The following ACOT11 variants were observed in gnomAD, a reference collection of about 807,000 sequenced individuals.
The protein encoded by ACOT11 is acyl-CoA thioesterase 11, also known as acyl-coenzyme A thioesterase 11.
A neutral mutation model predicts 77.5 loss-of-function variants in ACOT11; 69 were observed. The ratio of observed to expected loss-of-function variants is 0.89; its 90% CI spans 0.73 to 1.09. The LOEUF is 1.09. Ranked by LOEUF, ACOT11 falls within the 50% of genes least tolerant of loss-of-function variation. The probability of loss-of-function intolerance (pLI) is 0.00; values close to 1 mark genes in which losing one functional copy is unlikely to be tolerated. For synonymous variants in ACOT11, 279 were observed against 313.0 expected, an observed-to-expected ratio of 0.89 and a Z score of 1.15; for missense variants, 766 against 813.7, an observed-to-expected ratio of 0.94 and a Z score of 0.71.
At chr1:54,606,136 C>T (rs1337667229) in intron 13 of ACOT11, among the ~76,000 whole-genome samples, 1 of 152,180 alleles carries the variant, frequency 6.6e-6, no homozygotes, top group African/African-American at 2.4e-5. Flanking sequence ...GGCCATGTTG[C>T]CTTAAAAAGC....
At chr1:54,588,054 A>T (rs2480770) in intron 3 of ACOT11, among the ~76,000 whole-genome samples, 16,750 of 151,868 alleles carry the variant, frequency 0.11, 1,655 homozygotes, top group African/African-American at 0.25. Flanking sequence ...TCTACCAAAA[A>T]TTAGCTAGGC....
intron 1 of ACOT11, among the ~76,000 whole-genome samples, chr1:54,550,911 G>A (rs538272526): frequency 1.6e-4 from 24 of 148,786 alleles, no homozygotes; most frequent in African/African-American, 4.9e-4. Context: ...AGGCCGAGAC[G>A]GGTGGATCAC....
At chr1:54,608,936 G>A (rs1269886517) in intron 15 of ACOT11, 21 bp from the exon 16 acceptor site, 1 of 1,612,866 alleles carries the variant, frequency 6.2e-7, no homozygotes, top group South Asian at 1.1e-5. Flanking sequence ...GTCCCCCTGA[G>A]CTTGGCTTCC....
At chr1:54,599,592 C>A in intron 8 of ACOT11, 177 bp downstream of exon 8, 2 of 718,690 alleles carry the variant, frequency 2.8e-6, no homozygotes, top group Non-Finnish European at 1.9e-6. Flanking sequence ...TTCTTGGGAG[C>A]CTTCCCTGGC....
At chr1:54,601,171 G>T in intron 8 of ACOT11, 98 bp from the exon 9 acceptor site, 2 of 1,419,190 alleles carry the variant, frequency 1.4e-6, no homozygotes, top group Admixed American at 3.8e-5. Flanking sequence ...GTGTGTGGGC[G>T]CATGTGTGCA....
At chr1:54,638,536 T>G (rs1644343240) in exon 17 of ACOT11, 1 of 152,030 alleles carries the variant, frequency 6.6e-6, no homozygotes, top group Admixed American at 6.5e-5. Context: ...TTTTATATTT[T>G]TAGTGGAGAT....
rs80177039 is a variant in ACOT11, at chr1:54,622,808, T to C, written c.1630-7926T>C. ...GGACTTTCTGCTGGGGATGAAGTCA[T>C]GTAGGGTTGGGGGATGGAAGAGAGA... is the stretch of plus-strand genomic sequence containing the variant. On this transcript the variant is annotated intron_variant, in intron 15 of 16. Transcript: ENST00000371316. Among the ~76,000 whole-genome samples the C allele has an allele frequency of 5.2e-3, 774 of 148,922 alleles. 7 individuals carry two copies. Among genetic ancestry groups the C allele is most frequent in the African/African-American group, 0.018 (725 of 40,288 alleles).
At chr1:54,592,948 C>T (rs2100988955) in intron 4 of ACOT11, among the ~76,000 whole-genome samples, 1 of 152,288 alleles carries the variant, frequency 6.6e-6, no homozygotes, top group Admixed American at 6.5e-5. Flanking sequence ...GCAGCATGAG[C>T]GCCTGATCTT....
At chr1:54,561,079 T>TTTTTTTTTTTTTTTTTG (rs1653461323) in intron 1 of ACOT11, among the ~76,000 whole-genome samples, 1 of 125,048 alleles carries the variant, frequency 8.0e-6, no homozygotes, top group African/African-American at 3.8e-5. Flanking sequence ...TGGCTGATTT[T>TTTTTTTTTTTTTTTTTG]TTATTTTTTT....
intron 1 of ACOT11, among the ~76,000 whole-genome samples, chr1:54,578,741 T>C (rs971005220): frequency 2.6e-5 from 4 of 152,144 alleles, no homozygotes; most frequent in African/African-American, 9.7e-5. Context: ...CATATTGTGG[T>C]ATTAGTGAAA....
At chr1:54,630,777 G>C in exon 16 of ACOT11, 1 of 766,350 alleles carries the variant, frequency 1.3e-6, no homozygotes, top group Non-Finnish European at 2.4e-6. Flanking sequence ...GTCTCGGCAA[G>C]TGGCTTCTAT....
At chr1:54,614,785 C>T, downstream of ACOT11, 2 of 1,614,130 alleles carry the variant, frequency 1.2e-6, no homozygotes, top group East Asian at 2.2e-5. Context: ...CGGACTTTGC[C>T]TTCCTCTGTC....
intron 1 of ACOT11, among the ~76,000 whole-genome samples, chr1:54,581,190 G>T (rs1654292789): frequency 6.6e-6 from 1 of 152,172 alleles, no homozygotes; most frequent in Non-Finnish European, 1.5e-5. Flanking sequence ...TTTGCTTTTT[G>T]GAAAGATCCC....
intron 15 of ACOT11, among the ~76,000 whole-genome samples, chr1:54,623,090 C>G (rs550640834): frequency 6.7e-4 from 101 of 150,970 alleles, no homozygotes; most frequent in African/African-American, 2.4e-3. Context: ...GCAGGAGAAT[C>G]GCTTGAACCT....
downstream of ACOT11, among the ~76,000 whole-genome samples, chr1:54,613,182 C>G (rs1054118552): frequency 8.6e-5 from 13 of 151,932 alleles, no homozygotes; most frequent in African/African-American, 2.7e-4. Context: ...GAGTTCGAGA[C>G]CAGCCTGACC....
In ACOT11 at chr1:54,634,742, A is replaced by T. The variant is rs1348744541; in HGVS notation, c.*13A>T. The stretch of plus-strand genomic sequence containing the variant: ...TCAAGACACCTGAAACCTTATCATG[A>T]GCCAGATGCCAAGGAAGAGACTCTG... On this transcript the variant is annotated 3_prime_UTR_variant, in exon 17 of 17. Coordinates refer to the ACOT11 transcript ENST00000371316. The T allele has an allele frequency of 7.1e-6, 5 of 702,476 alleles. No individual in the cohort carries two copies. In the East Asian group the frequency reaches 1.3e-4, roughly 19 times the overall value. The allele number at this position is 702,476 out of a possible 1,614,324, so 43.5% of individuals were successfully genotyped here.
At chr1:54,620,503 C>T (rs960131412) in intron 15 of ACOT11, among the ~76,000 whole-genome samples, 5 of 151,754 alleles carry the variant, frequency 3.3e-5, no homozygotes, top group East Asian at 1.9e-4. Flanking sequence ...ATTAGGAGTT[C>T]GAGACCAGCC....
At chr1:54,573,195 C>T (rs1207436513) in intron 1 of ACOT11, 2 of 985,340 alleles carry the variant, frequency 2.0e-6, no homozygotes, top group Non-Finnish European at 2.4e-6. Context: ...GATGCAGCAG[C>T]AACTGTCCTG....
intron 15 of ACOT11, chr1:54,616,148 T>G: frequency 6.2e-7 from 1 of 1,614,156 alleles, no homozygotes; most frequent in Non-Finnish European, 8.5e-7. Flanking sequence ...TACATTGACG[T>G]CAGCCTCCAG....
Sources: allele counts gnomAD v4.1 joint callset (sites outside exome capture counted in the v4.1 genomes callset), GRCh38; gene constraint gnomAD v4.1.1; transcripts MANE v1.5; gene names NCBI Gene and HGNC (gene_info 2026-07-23, HGNC 2026-07-21).